The following FGD6 variants were observed in gnomAD, a reference collection of about 807,000 sequenced individuals.
FGD6 encodes FYVE, RhoGEF and PH domain-containing protein 6.
In FGD6, 90 loss-of-function variants were observed where a neutral mutation model predicts 149.4. The ratio of observed to expected loss-of-function variants is 0.60; its 90% CI spans 0.51 to 0.72. The LOEUF is 0.72. Ranked by LOEUF, FGD6 falls within the 30% of genes least tolerant of loss-of-function variation. The pLI, the probability that FGD6 is intolerant of heterozygous loss-of-function variation, is 0.00. For synonymous variants in FGD6, 527 were observed against 584.0 expected, an observed-to-expected ratio of 0.90 and a Z score of 1.41; for missense variants, 1,437 against 1,684.8, an observed-to-expected ratio of 0.85 and a Z score of 2.57.
intron 8 of FGD6, among the ~76,000 whole-genome samples, chr12:95,131,205 G>A (rs774987091): frequency 6.7e-6 from 1 of 149,896 alleles, no homozygotes; most frequent in Non-Finnish European, 1.5e-5. Flanking sequence ...TCTGCCTCTC[G>A]GGTTCAAACA....
At chr12:95,191,482 A>C (rs545631318) in intron 2 of FGD6, among the ~76,000 whole-genome samples, 1 of 152,322 alleles carries the variant, frequency 6.6e-6, no homozygotes, top group South Asian at 2.1e-4. Flanking sequence ...CTGACTTCAC[A>C]CAAGCAAAAG....
Position 95,217,395 on chromosome 12 carries a change from G to C in FGD6, c.-155C>G. 1 of 1,230,342 alleles carries C rather than the reference G, an allele frequency of 8.1e-7. No homozygotes were observed. The highest frequency in any genetic ancestry group is 1.1e-6 in the Non-Finnish European group (1 of 930,792). The allele number at this position is 1,230,342 out of a possible 1,614,324, so 76.2% of individuals were successfully genotyped here. ...GGCGCAGCCTGAGCGCCACACAAAG[G>C]ACGCGGCCGACTCTAGCGACCCTGC... On this transcript the variant is annotated 5_prime_UTR_variant, in exon 1 of 21. Coordinates refer to ENST00000343958, the MANE Select transcript of FGD6 (RefSeq NM_018351.4).
At chr12:95,216,555 G>C (rs1359724952) in intron 1 of FGD6, among the ~76,000 whole-genome samples, 1 of 150,726 alleles carries the variant, frequency 6.6e-6, no homozygotes, top group Non-Finnish European at 1.5e-5. Context: ...AAAGATAGAG[G>C]CTTTGTCATT....
chr12:95,147,439 T>G (rs961264557), intron 5 of FGD6, among the ~76,000 whole-genome samples: 2 of 152,112 alleles, frequency 1.3e-5, no homozygotes, highest in African/African-American at 2.4e-5. Flanking sequence ...TTAATAACAC[T>G]AACAAGTAAT....
chr12:95,134,447 A>C (rs972766383), intron 8 of FGD6, among the ~76,000 whole-genome samples: 2 of 152,166 alleles, frequency 1.3e-5, no homozygotes, highest in African/African-American at 4.8e-5. Flanking sequence ...AGGTGAAATG[A>C]TGCACGGGTA....
intron 14 of FGD6, among the ~76,000 whole-genome samples, chr12:95,104,296 T>G (rs1258652515): frequency 3.3e-5 from 5 of 152,086 alleles, no homozygotes; most frequent in African/African-American, 1.2e-4. Context: ...CAAAAATCTA[T>G]GTTTATGTAT....
chr12:95,162,189 C>A (rs1349527595), intron 3 of FGD6, among the ~76,000 whole-genome samples: 2 of 151,108 alleles, frequency 1.3e-5, no homozygotes, highest in Non-Finnish European at 2.9e-5. Context: ...ATCACATGAG[C>A]CCAGGAGTTC....
chr12:95,166,707 A>T (rs568785738), intron 3 of FGD6, among the ~76,000 whole-genome samples: 53 of 152,204 alleles, frequency 3.5e-4, no homozygotes, highest in African/African-American at 1.1e-3. Flanking sequence ...CATCTCAAAA[A>T]AAATAAATAA....
At chr12:95,128,073 G>A (rs1459685103) in intron 8 of FGD6, among the ~76,000 whole-genome samples, 2 of 152,120 alleles carry the variant, frequency 1.3e-5, no homozygotes, top group African/African-American at 4.8e-5. Context: ...GGTAGAAGAT[G>A]AAAAAAGACT....
chr12:95,172,046 G>T (rs74238574), intron 3 of FGD6, among the ~76,000 whole-genome samples: 71 of 136,368 alleles, frequency 5.2e-4, no homozygotes, highest in East Asian at 1.3e-3. Flanking sequence ...GGGGGGGGGG[G>T]TTGTTATCAA....
At chr12:95,086,545 T>C (rs1015150213) in intron 18 of FGD6, among the ~76,000 whole-genome samples, 94 of 136,424 alleles carry the variant, frequency 6.9e-4, no homozygotes, top group Non-Finnish European at 1.4e-3. Flanking sequence ...TCTTTTTTTT[T>C]TTTTTTTTTT....
chr12:95,114,847 G>C (rs1878959198), intron 8 of FGD6, among the ~76,000 whole-genome samples: 1 of 151,858 alleles, frequency 6.6e-6, no homozygotes, highest in African/African-American at 2.4e-5. Context: ...TCTCTCTCTT[G>C]CTACTGCCTA....
rs73223645 is a variant in FGD6 at position 95,104,752 on chromosome 12, A to T, written c.3497+255T>A. On this transcript the variant is annotated intron_variant, in intron 14 of 20. Transcript: ENST00000343958. ...GCTACCACACCTGGCATACAAAAAA[A>T]TATTTTTAAAGTTAGCCGGGTATGG... 9.5e-3 allele frequency among the ~76,000 whole-genome samples: 1,439 copies of T among 152,144 alleles called. 17 individuals are homozygous for T. Among genetic ancestry groups the T allele is most frequent in the Middle Eastern group, 0.02 (6 of 294 alleles).
intron 14 of FGD6, among the ~76,000 whole-genome samples, chr12:95,104,802 A>G (rs1281859536): frequency 6.6e-6 from 1 of 151,720 alleles, no homozygotes; most frequent in Non-Finnish European, 1.5e-5. Flanking sequence ...GGTCCCAGCT[A>G]CTCAAGAGGC....
At chr12:95,113,608 T>A (rs527397467) in intron 9 of FGD6, 43 bp downstream of exon 9, 2 of 1,433,846 alleles carry the variant, frequency 1.4e-6, no homozygotes, top group African/African-American at 1.4e-5. Context: ...CCTACCTAAA[T>A]AAACATAATA....
chr12:95,091,789 C>G lies in FGD6; in HGVS notation c.3768G>C (p.Ser1256=), dbSNP rs148790731. Residue 1256 remains serine, a synonymous_variant, in exon 17 of 21, where the codon TCG becomes TCC. Transcript: ENST00000343958. ...GGTAATCTAAGCCATACTTATTAGACGAACAAGCTTGGCATACAATCTGAA... is the reference window on the plus strand; with the variant it reads ...GGTAATCTAAGCCATACTTATTAGAGGAACAAGCTTGGCATACAATCTGAA... ...ACGKIVCQAC[S]SNKYGLDYLK... is the part of the protein sequence containing the mutation. The G allele has an allele frequency of 6.2e-7, 1 of 1,612,450 alleles. No individual in the cohort carries two copies. Among genetic ancestry groups the G allele is most frequent in the South Asian group, 1.1e-5 (1 of 90,742 alleles).
At position 95,091,701 on chromosome 12, in the gene FGD6, T is replaced by C. The variant is rs779341682; in HGVS notation, c.3850+6A>G. The C allele has an allele frequency of 4.4e-6, 7 of 1,608,362 alleles. No individual in the cohort carries two copies. The highest frequency in any genetic ancestry group is 3.4e-5 in the Admixed American group (2 of 59,514). The stretch of plus-strand genomic sequence containing the variant: ...ATTTTTGGTTAAATCCTTACTTATA[T>C]ATTACCTAATTTCTGCAGTTCTTGG... On this transcript the variant is annotated splice_donor_region_variant and intron_variant, in intron 17 of 20. Transcript: ENST00000343958.
At chr12:95,171,995 A>T (rs949598345) in intron 3 of FGD6, among the ~76,000 whole-genome samples, 6 of 144,170 alleles carry the variant, frequency 4.2e-5, no homozygotes. Context: ...ATTTCAAAAA[A>T]ATCTACAAAA....
At chr12:95,118,783 G>GT (rs771055888) in intron 8 of FGD6, among the ~76,000 whole-genome samples, 4 of 152,178 alleles carry the variant, frequency 2.6e-5, no homozygotes, top group African/African-American at 4.8e-5. Context: ...CCAGAGAAAA[G>GT]TAAGTCTAGT....
Sources: gnomAD v4.1 joint callset for allele counts (sites outside exome capture counted in the v4.1 genomes callset) on GRCh38, gnomAD v4.1.1 for gene constraint, MANE v1.5 for transcripts, NCBI Gene and HGNC (gene_info 2026-07-23, HGNC 2026-07-21) for gene names.